AGBL4: variants seen among roughly 807,000 people sequenced by gnomAD.
The protein encoded by AGBL4 is AGBL carboxypeptidase 4, also known as cytosolic carboxypeptidase 6.
In AGBL4, 58 loss-of-function variants were observed where a neutral mutation model predicts 66.4. The ratio of observed to expected loss-of-function variants is 0.87; its 90% CI spans 0.71 to 1.09. The LOEUF is 1.09. Ranked by LOEUF, AGBL4 falls within the 50% of genes least tolerant of loss-of-function variation. The probability of loss-of-function intolerance (pLI) is 0.00; values close to 1 mark genes in which losing one functional copy is unlikely to be tolerated. For synonymous variants in AGBL4, 234 were observed against 222.9 expected (o/e 1.05, Z -0.44); for missense variants, 579 against 631.0 (o/e 0.92, Z 0.88).
At chr1:49,219,970 T>C (rs956868144) in intron 4 of AGBL4, among the ~76,000 whole-genome samples, 3 of 152,190 alleles carry the variant, frequency 2.0e-5, no homozygotes, top group Non-Finnish European at 4.4e-5. Context: ...GTTTTTGTTT[T>C]TTTTTCTTTT....
At chr1:48,607,178 A>G (rs998869360) in intron 9 of AGBL4, among the ~76,000 whole-genome samples, 3 of 152,208 alleles carry the variant, frequency 2.0e-5, no homozygotes. Context: ...GCTGTGCTGT[A>G]TAAGTAGTCA....
At chr1:49,611,541 A>AT (rs1645155225) in intron 3 of AGBL4, among the ~76,000 whole-genome samples, 1 of 151,244 alleles carries the variant, frequency 6.6e-6, no homozygotes, top group African/African-American at 2.5e-5. Context: ...ATGCCCAGCT[A>AT]ATTTTTTTTG....
At chr1:49,330,927 G>C (rs780174237) in intron 3 of AGBL4, among the ~76,000 whole-genome samples, 10 of 152,146 alleles carry the variant, frequency 6.6e-5, no homozygotes, top group Non-Finnish European at 1.3e-4. Flanking sequence ...ACAGAGGAAA[G>C]CAGGGCAGTG....
intron 6 of AGBL4, among the ~76,000 whole-genome samples, chr1:48,699,645 C>T (rs747332064): frequency 5.3e-5 from 8 of 152,182 alleles, no homozygotes; most frequent in Non-Finnish European, 1.2e-4. Context: ...CCCTGGCTCT[C>T]TTACCTTTTG....
At chr1:49,428,747 G>A (rs763994657) in intron 3 of AGBL4, among the ~76,000 whole-genome samples, 2 of 152,324 alleles carry the variant, frequency 1.3e-5, no homozygotes, top group East Asian at 1.9e-4. Context: ...TGCCCCATTC[G>A]TTGGACTAGG....
At chr1:48,943,035 T>C (rs1160544995) in intron 5 of AGBL4, among the ~76,000 whole-genome samples, 1 of 152,216 alleles carries the variant, frequency 6.6e-6, no homozygotes, top group Admixed American at 6.5e-5. Context: ...TTATTTCCTC[T>C]GATTATGCAG....
intron 4 of AGBL4, among the ~76,000 whole-genome samples, chr1:49,177,049 T>C (rs1646845476): frequency 6.6e-6 from 1 of 152,062 alleles, no homozygotes; most frequent in Non-Finnish European, 1.5e-5. Context: ...GTCATCCCCA[T>C]CCAAACAATC....
intron 5 of AGBL4, among the ~76,000 whole-genome samples, chr1:48,891,486 GA>G (rs941633905): frequency 3.3e-5 from 5 of 152,152 alleles, no homozygotes; most frequent in African/African-American, 1.2e-4. Flanking sequence ...CTGGCATCAA[GA>G]AGCCCCCAGT....
chr1:49,874,890 ATG>A (rs1646940233), intron 1 of AGBL4, among the ~76,000 whole-genome samples: 1 of 151,640 alleles, frequency 6.6e-6, no homozygotes, highest in Non-Finnish European at 1.5e-5. Flanking sequence ...TTAGTTACAT[ATG>A]TATACATGTG....
intron 1 of AGBL4, among the ~76,000 whole-genome samples, chr1:49,883,939 T>C (rs898183932): frequency 6.6e-6 from 1 of 151,992 alleles, no homozygotes; most frequent in African/African-American, 2.4e-5. Context: ...AGAAATAATA[T>C]CTCAATTACA....
chr1:49,513,222 C>A (rs1649438469), intron 3 of AGBL4, among the ~76,000 whole-genome samples: 1 of 152,004 alleles, frequency 6.6e-6, no homozygotes, highest in South Asian at 2.1e-4. Flanking sequence ...TAAATTCAGA[C>A]TCCTCCGATA....
intron 3 of AGBL4, among the ~76,000 whole-genome samples, chr1:49,351,209 A>G (rs1479426217): frequency 6.6e-6 from 1 of 152,106 alleles, no homozygotes; most frequent in African/African-American, 2.4e-5. Flanking sequence ...GAATTTTACA[A>G]TGAACAACTG....
intron 5 of AGBL4, among the ~76,000 whole-genome samples, chr1:49,017,170 T>C (rs918612483): frequency 6.6e-6 from 1 of 152,164 alleles, no homozygotes; most frequent in Non-Finnish European, 1.5e-5. Context: ...CCCAGAAAAA[T>C]GCACGCATGT....
chr1:48,561,258 C>T (rs1382351136), intron 11 of AGBL4, among the ~76,000 whole-genome samples: 1 of 150,534 alleles, frequency 6.6e-6, no homozygotes, highest in Non-Finnish European at 1.5e-5. Flanking sequence ...TCCTTCCTTC[C>T]TTCCCTCCTT....
chr1:49,939,051 A>G (rs1390997610), intron 1 of AGBL4, among the ~76,000 whole-genome samples: 1 of 152,090 alleles, frequency 6.6e-6, no homozygotes, highest in Non-Finnish European at 1.5e-5. Context: ...ATTCTTATAC[A>G]CCAATAACCG....
intron 4 of AGBL4, among the ~76,000 whole-genome samples, chr1:49,129,947 C>G (rs1481018485): frequency 6.6e-6 from 1 of 152,194 alleles, no homozygotes; most frequent in African/African-American, 2.4e-5. Flanking sequence ...AAAAGTGTTC[C>G]TATTTCTCCA....
At chr1:48,649,569 T>TGG (rs1645893906) in intron 8 of AGBL4, among the ~76,000 whole-genome samples, 1 of 152,192 alleles carries the variant, frequency 6.6e-6, no homozygotes, top group Admixed American at 6.5e-5. Flanking sequence ...AGTTAGAAAA[T>TGG]GTTGCTGTTC....
intron 3 of AGBL4, among the ~76,000 whole-genome samples, chr1:49,604,416 T>C (rs1645026093): frequency 6.6e-6 from 1 of 152,208 alleles, no homozygotes; most frequent in Admixed American, 6.5e-5. Context: ...CCACTTTTTA[T>C]GGGGTTATTT....
At chr1:48,798,580 T>C (rs780490182) in intron 6 of AGBL4, among the ~76,000 whole-genome samples, 18 of 152,222 alleles carry the variant, frequency 1.2e-4, no homozygotes, top group Non-Finnish European at 2.1e-4. Context: ...CATGAACTCT[T>C]TGCCTAAGCC....
Sources: allele counts gnomAD v4.1 joint callset (sites outside exome capture counted in the v4.1 genomes callset), GRCh38; gene constraint gnomAD v4.1.1; transcripts MANE v1.5; gene names NCBI Gene and HGNC (gene_info 2026-07-23, HGNC 2026-07-21).